Variants in CACNA2D1 observed in about 807,000 individuals in gnomAD.
CACNA2D1 encodes the protein calcium voltage-gated channel auxiliary subunit alpha2delta 1.
CACNA2D1 carries 53 observed loss-of-function variants against 171.5 expected under a neutral mutation model. The ratio of observed to expected loss-of-function variants is 0.31; its 90% confidence interval spans 0.25 to 0.39. The LOEUF is 0.39. Ranked by LOEUF, CACNA2D1 falls within the 10% of genes least tolerant of loss-of-function variation. The probability of loss-of-function intolerance (pLI) is 1.00; values close to 1 mark genes in which losing one functional copy is unlikely to be tolerated. For missense variants in CACNA2D1, 903 were observed against 1,299.8 expected (o/e 0.69, Z 4.69); for synonymous variants, 442 against 443.1 (o/e 1.00, Z 0.03).
intron 1 of CACNA2D1, among the ~76,000 whole-genome samples, chr7:82,442,381 C>T (rs1830571479): frequency 6.6e-6 from 1 of 152,106 alleles, no homozygotes; most frequent in South Asian, 2.1e-4. Context: ...GATTACCTAC[C>T]TTTAGAAGCT....
chr7:82,402,982 A>G (rs537537441), intron 1 of CACNA2D1, among the ~76,000 whole-genome samples: 1 of 152,274 alleles, frequency 6.6e-6, no homozygotes, highest in African/African-American at 2.4e-5. Flanking sequence ...GTAACAGTGG[A>G]AAAATTAAAA....
At chr7:82,312,366 T>C (rs1814573029) in intron 3 of CACNA2D1, among the ~76,000 whole-genome samples, 1 of 152,200 alleles carries the variant, frequency 6.6e-6, no homozygotes, top group Non-Finnish European at 1.5e-5. Context: ...TAAAAATCAC[T>C]AGAAATTAAA....
At chr7:82,020,322 G>C (rs1300887878) in intron 12 of CACNA2D1, among the ~76,000 whole-genome samples, 1 of 152,152 alleles carries the variant, frequency 6.6e-6, no homozygotes, top group African/African-American at 2.4e-5. Context: ...ACGGAATTCA[G>C]ACTGTAGATT....
At chr7:82,180,167 G>C (rs1444990772) in intron 3 of CACNA2D1, among the ~76,000 whole-genome samples, 1 of 152,118 alleles carries the variant, frequency 6.6e-6, no homozygotes, top group Non-Finnish European at 1.5e-5. Context: ...GGAATATAGA[G>C]ATAGTGTCTC....
chr7:82,150,538 G>A (rs970416588), intron 4 of CACNA2D1, among the ~76,000 whole-genome samples: 3 of 151,754 alleles, frequency 2.0e-5, no homozygotes, highest in African/African-American at 7.3e-5. Flanking sequence ...TCAAGTTAAG[G>A]TGTATTCATT....
chr7:82,060,403 G>A lies in CACNA2D1; in HGVS notation c.879+25C>T, dbSNP rs769619748. On this transcript the variant is annotated intron_variant, in intron 10 of 38. Transcript: ENST00000356860. ...GATAGAAATTGCAAATTTAATTCAG[G>A]AAAATGCAGTCATCTTATACTTACT... 48 of 1,481,608 alleles carry A rather than the reference G, an allele frequency of 3.2e-5. No homozygotes were observed. In the South Asian group the frequency reaches 4.6e-4, roughly 14 times the overall value. 91.8% of individuals were successfully genotyped at this position (1,481,608 alleles called of 1,614,324 possible).
intron 38 of CACNA2D1, among the ~76,000 whole-genome samples, chr7:81,951,007 G>A (rs1792455476): frequency 6.6e-6 from 1 of 151,926 alleles, no homozygotes; most frequent in African/African-American, 2.4e-5. Context: ...CATAGCATCT[G>A]GACCTTCATC....
chr7:82,109,230 T>C (rs1788098550), intron 6 of CACNA2D1, among the ~76,000 whole-genome samples: 1 of 152,130 alleles, frequency 6.6e-6, no homozygotes, highest in Non-Finnish European at 1.5e-5. Context: ...AGAACCCTTT[T>C]TTTTGCAAAT....
chr7:82,267,474 C>T (rs914873419), intron 3 of CACNA2D1, among the ~76,000 whole-genome samples: 4 of 152,122 alleles, frequency 2.6e-5, no homozygotes, highest in East Asian at 1.9e-4. Context: ...TGTTTGCTAA[C>T]GATTCATCTG....
In CACNA2D1 at chr7:82,405,628, T is replaced by C. The variant is rs753286291; in HGVS notation, c.95+37737A>G. ...GAATGACAAGTATACATAATATATGTACTTACATATTAAAAAAATGCAAAT... is the reference window on the plus strand; with the variant it reads ...GAATGACAAGTATACATAATATATGCACTTACATATTAAAAAAATGCAAAT... On this transcript the variant is annotated intron_variant, in intron 1 of 38. Transcript: ENST00000356860. 1.2e-4 allele frequency among the ~76,000 whole-genome samples: 19 copies of C among 152,180 alleles called. 1 individual carries two copies. Among genetic ancestry groups the C allele is most frequent in the Non-Finnish European group, 2.5e-4 (17 of 68,028 alleles).
chr7:81,988,009 C>T (rs563036060), intron 21 of CACNA2D1, among the ~76,000 whole-genome samples: 2 of 152,160 alleles, frequency 1.3e-5, no homozygotes, highest in African/African-American at 4.8e-5. Flanking sequence ...TGGGTGCATG[C>T]GGAAAAGAGG....
intron 3 of CACNA2D1, among the ~76,000 whole-genome samples, chr7:82,181,906 A>G (rs949818202): frequency 2.4e-4 from 37 of 152,206 alleles, no homozygotes; most frequent in African/African-American, 8.9e-4. Context: ...AAGTGACAGC[A>G]TAATATATTA....
chr7:82,236,624 T>C (rs1803619623), intron 3 of CACNA2D1, among the ~76,000 whole-genome samples: 1 of 152,090 alleles, frequency 6.6e-6, no homozygotes, highest in African/African-American at 2.4e-5. Flanking sequence ...AGTAAGCATT[T>C]TCTTCACTGA....
intron 38 of CACNA2D1, among the ~76,000 whole-genome samples, chr7:81,951,663 G>A (rs1282822699): frequency 6.6e-6 from 1 of 152,014 alleles, no homozygotes; most frequent in Non-Finnish European, 1.5e-5. Flanking sequence ...TGCTGCAAAT[G>A]CCATTATTTC....
intron 3 of CACNA2D1, among the ~76,000 whole-genome samples, chr7:82,323,116 T>C (rs913907097): frequency 6.6e-6 from 1 of 152,212 alleles, no homozygotes; most frequent in East Asian, 1.9e-4. Flanking sequence ...TGGGATACCA[T>C]GAAGTTCTCT....
At chr7:82,393,083 A>AAGGAAGGCAGGC (rs1208617777) in intron 1 of CACNA2D1, among the ~76,000 whole-genome samples, 31 of 82,406 alleles carry the variant, frequency 3.8e-4, no homozygotes, top group African/African-American at 6.3e-4. Context: ...GGAAGGAAGG[A>AAGGAAGGCAGGC]AGGCAGGCAG....
intron 24 of CACNA2D1, among the ~76,000 whole-genome samples, chr7:81,978,755 A>G (rs200621338): frequency 0.2 from 14,810 of 74,754 alleles, 835 homozygotes; most frequent in Middle Eastern, 0.31. Context: ...TAAAAAGTGT[A>G]TATATATATA....
At chr7:82,276,702 G>A (rs1376582772) in intron 3 of CACNA2D1, among the ~76,000 whole-genome samples, 1 of 151,452 alleles carries the variant, frequency 6.6e-6, no homozygotes, top group Non-Finnish European at 1.5e-5. Context: ...CCAGTAGTGG[G>A]TACTTTGATG....
At chr7:82,054,479 A>T (rs1323801701) in intron 10 of CACNA2D1, among the ~76,000 whole-genome samples, 1 of 152,246 alleles carries the variant, frequency 6.6e-6, no homozygotes, top group Non-Finnish European at 1.5e-5. Flanking sequence ...CAGAGAAATA[A>T]GCTGCACTCA....
Sources: gnomAD v4.1 joint callset for allele counts (sites outside exome capture counted in the v4.1 genomes callset) on GRCh38, gnomAD v4.1.1 for gene constraint, MANE v1.5 for transcripts, NCBI Gene and HGNC (gene_info 2026-07-23, HGNC 2026-07-21) for gene names.